PTPRQ: variants seen among roughly 807,000 people sequenced by gnomAD.
PTPRQ encodes protein tyrosine phosphatase receptor type Q, also known as phosphatidylinositol phosphatase PTPRQ.
A neutral mutation model predicts 246.0 loss-of-function variants in PTPRQ; 199 were observed. That is an observed-to-expected ratio of 0.81 (90% CI 0.72 to 0.91). PTPRQ has a LOEUF of 0.91. Ranked by LOEUF, PTPRQ falls within the 40% of genes least tolerant of loss-of-function variation. PTPRQ has a pLI of 0.00. For synonymous variants in PTPRQ, 869 were observed against 853.2 expected (o/e 1.02, Z -0.32); for missense variants, 2,624 against 2,528.4 (o/e 1.04, Z -0.81).
chr12:80,533,652 A>G (rs542591871), intron 17 of PTPRQ, among the ~76,000 whole-genome samples: 19 of 152,160 alleles, frequency 1.2e-4, no homozygotes, highest in Non-Finnish European at 2.2e-4. Context: ...AGATTTTGCC[A>G]GCATTTGAAA....
At chr12:80,663,270 T>C (rs1374934790) in intron 39 of PTPRQ, among the ~76,000 whole-genome samples, 2 of 151,976 alleles carry the variant, frequency 1.3e-5, no homozygotes, top group African/African-American at 2.4e-5. Flanking sequence ...TTTATATATG[T>C]GTATGTATAT....
rs556528782 is a variant in PTPRQ, at chr12:80,658,697, G to T, written c.6192+636G>T. ...AACAACTCTGCTTTACAGTTGTTGG[G>T]TTTTTTTTTAACCAAGTTATGTCTC... is the stretch of plus-strand genomic sequence containing the variant. On this transcript the variant is annotated intron_variant, in intron 39 of 44. Transcript: ENST00000644991. Among the ~76,000 whole-genome samples the T allele has an allele frequency of 7.3e-5, 11 of 151,254 alleles. No homozygotes were observed. The South Asian group carries it at 8.4e-4, about 11-fold the overall frequency.
intron 3 of PTPRQ, among the ~76,000 whole-genome samples, chr12:80,450,736 T>C (rs1175108514): frequency 6.6e-6 from 1 of 152,238 alleles, no homozygotes; most frequent in Admixed American, 6.5e-5. Context: ...GCCCACTTGA[T>C]CATTGTGGAT....
intron 7 of PTPRQ, among the ~76,000 whole-genome samples, chr12:80,470,505 T>C (rs983259553): frequency 2.0e-5 from 3 of 152,312 alleles, no homozygotes; most frequent in South Asian, 2.1e-4. Flanking sequence ...AGTAGAGTGA[T>C]TGGACCATTG....
rs1900878403 is a variant in PTPRQ at position 80,669,032 on chromosome 12, T to C, written c.6218T>C (p.Ile2073Thr). The stretch of plus-strand genomic sequence containing the variant: ...GGTTATTTATGTCCAAATGAATTTA[T>C]TGCTACTCAAGGTCCACTACCAGGA... ...ISGYLCPNEF[I>T]ATQGPLPGTV... Residue 2073 changes from isoleucine to threonine, a missense_variant, in exon 40 of 45, where the codon ATT becomes ACT. Ile to Thr is a moderately conservative substitution (Grantham distance 89). Coordinates refer to ENST00000644991, the MANE Select transcript of PTPRQ (RefSeq NM_001145026.2). 4.5e-6 allele frequency: 7 copies of C among 1,550,138 alleles called. No individual in the cohort carries two copies. Among genetic ancestry groups the C allele is most frequent in the Middle Eastern group, 1.7e-4 (1 of 5,974 alleles).
intron 34 of PTPRQ, among the ~76,000 whole-genome samples, chr12:80,632,690 A>T (rs1466736888): frequency 6.6e-6 from 1 of 152,184 alleles, no homozygotes; most frequent in Admixed American, 6.5e-5. Context: ...GTTGTCTCCC[A>T]AGACTTACAT....
At chr12:80,566,631 T>C (rs1896987851) in intron 25 of PTPRQ, among the ~76,000 whole-genome samples, 1 of 151,966 alleles carries the variant, frequency 6.6e-6, no homozygotes, top group African/African-American at 2.4e-5. Flanking sequence ...CTTTAACCTT[T>C]TGGGCTCAAG....
chr12:80,514,373 T>TACACACACACACACACAC (rs372647668), intron 17 of PTPRQ, among the ~76,000 whole-genome samples: 19 of 112,184 alleles, frequency 1.7e-4, no homozygotes, highest in African/African-American at 5.2e-4. Context: ...GGCTTTATTT[T>TACACACACACACACACAC]ACACACACAC....
At chr12:80,551,873 C>T (rs1409706660) in intron 25 of PTPRQ, among the ~76,000 whole-genome samples, 4 of 151,898 alleles carry the variant, frequency 2.6e-5, no homozygotes, top group Non-Finnish European at 4.4e-5. Flanking sequence ...TAATAATTGA[C>T]TAGATTCTCT....
intron 26 of PTPRQ, among the ~76,000 whole-genome samples, chr12:80,591,701 A>G (rs1052130631): frequency 6.6e-6 from 1 of 152,214 alleles, no homozygotes; most frequent in South Asian, 2.1e-4. Context: ...AGAAAACAGA[A>G]ATAAATAAAT....
intron 39 of PTPRQ, among the ~76,000 whole-genome samples, chr12:80,665,600 T>A (rs1900760563): frequency 6.6e-6 from 1 of 151,972 alleles, no homozygotes; most frequent in African/African-American, 2.4e-5. Context: ...AATATACAAA[T>A]GGGATTATAT....
At chr12:80,458,840 C>G (rs7969794) in intron 4 of PTPRQ, among the ~76,000 whole-genome samples, 59,196 of 151,822 alleles carry the variant, frequency 0.39, 13,214 homozygotes, top group African/African-American at 0.61. Context: ...CAACCAATTG[C>G]AGGGTATCCA....
intron 17 of PTPRQ, among the ~76,000 whole-genome samples, chr12:80,511,045 C>G (rs1895111321): frequency 6.6e-6 from 1 of 152,018 alleles, no homozygotes; most frequent in African/African-American, 2.4e-5. Context: ...TAATGTAAAT[C>G]CTCTTTAGAT....
chr12:80,601,713 T>C (rs1319926008), intron 26 of PTPRQ, among the ~76,000 whole-genome samples: 1 of 151,686 alleles, frequency 6.6e-6, no homozygotes, highest in African/African-American at 2.4e-5. Flanking sequence ...TCCCATCCCC[T>C]TTTATAGAGT....
chr12:80,623,279 C>T (rs1236736941), intron 33 of PTPRQ, among the ~76,000 whole-genome samples: 2 of 152,156 alleles, frequency 1.3e-5, no homozygotes, highest in Non-Finnish European at 2.9e-5. Flanking sequence ...GTCAAGGAAA[C>T]TTTGCATCTT....
At chr12:80,536,083 G>A (rs1300913616) in intron 19 of PTPRQ, among the ~76,000 whole-genome samples, 6 of 152,172 alleles carry the variant, frequency 3.9e-5, no homozygotes, top group Non-Finnish European at 5.9e-5. Context: ...CTCCAGCCTG[G>A]GCGAGAGAGC....
At chr12:80,600,716 C>T (rs4842285) in intron 26 of PTPRQ, among the ~76,000 whole-genome samples, 53,268 of 151,526 alleles carry the variant, frequency 0.35, 10,923 homozygotes, top group East Asian at 0.53. Flanking sequence ...TCCTTTTTGA[C>T]GTAATTAATT....
chr12:80,549,579 T>C lies in PTPRQ; in HGVS notation c.4130T>C (p.Val1377Ala). The C allele has an allele frequency of 1.3e-6, 2 of 1,551,232 alleles. No individual in the cohort carries two copies. The highest frequency in any genetic ancestry group is 1.7e-6 in the Non-Finnish European group (2 of 1,146,636). The change falls in exon 25 of 45, where the codon GTT (valine) becomes GCT (alanine). Residue 1377 changes from valine (V) to alanine (A), a missense_variant. By Grantham distance (64) the Val-to-Ala change is moderately conservative (BLOSUM62 0). Coordinates refer to ENST00000644991, the MANE Select transcript of PTPRQ (RefSeq NM_001145026.2). ...ATAATAACGCAGTATATGGTAACAG[T>C]TGAAAGGAATTCTACAAAAGTTTCT... ...NGIITQYMVT[V>A]ERNSTKVSPQ... is the part of the protein sequence containing the mutation.
At chr12:80,572,425 A>G (rs115870581) in intron 25 of PTPRQ, among the ~76,000 whole-genome samples, 1,946 of 152,188 alleles carry the variant, frequency 0.013, 49 homozygotes, top group African/African-American at 0.045. Flanking sequence ...ATAATATTCT[A>G]TATTAAAATT....
Sources: allele counts gnomAD v4.1 joint callset (sites outside exome capture counted in the v4.1 genomes callset), GRCh38; gene constraint gnomAD v4.1.1; transcripts MANE v1.5; gene names NCBI Gene and HGNC (gene_info 2026-07-23, HGNC 2026-07-21).